The following ADAMTSL3 variants were observed in gnomAD, a reference collection of about 807,000 sequenced individuals.
ADAMTSL3 encodes ADAMTS like 3.
In ADAMTSL3, 128 loss-of-function variants were observed where a neutral mutation model predicts 201.7. That is an observed-to-expected ratio of 0.63 (90% CI 0.55 to 0.73). The LOEUF (loss-of-function observed/expected upper bound fraction) is 0.73. Among genes scored for constraint, ADAMTSL3 ranks in the 30% least tolerant of loss-of-function variants. The pLI, the probability that ADAMTSL3 is intolerant of heterozygous loss-of-function variation, is 0.00. For missense variants in ADAMTSL3, 1,990 were observed against 2,119.6 expected, an observed-to-expected ratio of 0.94 and a Z score of 1.20; for synonymous variants, 738 against 748.4, an observed-to-expected ratio of 0.99 and a Z score of 0.23.
At chr15:83,784,310 T>A (rs1266917615) in intron 4 of ADAMTSL3, among the ~76,000 whole-genome samples, 1 of 152,192 alleles carries the variant, frequency 6.6e-6, no homozygotes, top group East Asian at 1.9e-4. Context: ...TCTGCCACTC[T>A]AATGTAGTGG....
At chr15:83,768,885 A>T (rs896595721) in intron 3 of ADAMTSL3, among the ~76,000 whole-genome samples, 7 of 152,208 alleles carry the variant, frequency 4.6e-5, no homozygotes, top group Admixed American at 4.6e-4. Flanking sequence ...TTAAAAAGGC[A>T]GAAGGGCTGG....
intron 4 of ADAMTSL3, among the ~76,000 whole-genome samples, chr15:83,773,965 T>TTGCAA (rs2063029660): frequency 1.3e-5 from 2 of 152,200 alleles, no homozygotes; most frequent in Admixed American, 1.3e-4. Flanking sequence ...TTCTGAGTTC[T>TTGCAA]GCCCTTGGGT....
intron 19 of ADAMTSL3, among the ~76,000 whole-genome samples, chr15:83,965,655 C>G (rs1220007545): frequency 6.6e-6 from 1 of 152,164 alleles, no homozygotes; most frequent in Non-Finnish European, 1.5e-5. Context: ...ATATTCAGGA[C>G]TTGAACTCAG....
At chr15:84,029,669 C>G (rs2068369192) in intron 27 of ADAMTSL3, among the ~76,000 whole-genome samples, 1 of 151,994 alleles carries the variant, frequency 6.6e-6, no homozygotes, top group Non-Finnish European at 1.5e-5. Context: ...GAAATTCAAG[C>G]TGGCTGCAGA....
At chr15:83,881,359 C>T (rs565570203) in intron 9 of ADAMTSL3, among the ~76,000 whole-genome samples, 2 of 152,344 alleles carry the variant, frequency 1.3e-5, no homozygotes, top group African/African-American at 4.8e-5. Flanking sequence ...TCGCTTTCCA[C>T]TACGTGAGGC....
At chr15:83,660,019 G>T (rs775036407) in intron 2 of ADAMTSL3, among the ~76,000 whole-genome samples, 1 of 152,172 alleles carries the variant, frequency 6.6e-6, no homozygotes, top group South Asian at 2.1e-4. Flanking sequence ...ACCTAAATTT[G>T]TGGTAATTTG....
intron 6 of ADAMTSL3, among the ~76,000 whole-genome samples, chr15:83,823,684 C>T (rs747311010): frequency 2.7e-4 from 41 of 152,272 alleles, no homozygotes; most frequent in Middle Eastern, 3.4e-3. Flanking sequence ...ACCATGATTC[C>T]CTCCAGTCTG....
At chr15:83,803,736 G>C (rs1178419259) in intron 4 of ADAMTSL3, among the ~76,000 whole-genome samples, 1 of 152,146 alleles carries the variant, frequency 6.6e-6, no homozygotes, top group African/African-American at 2.4e-5. Context: ...TGTAGAGGAA[G>C]ATAGGTTATG....
At chr15:83,783,381 A>C (rs2063208021) in intron 4 of ADAMTSL3, among the ~76,000 whole-genome samples, 1 of 152,146 alleles carries the variant, frequency 6.6e-6, no homozygotes, top group South Asian at 2.1e-4. Flanking sequence ...ACAAATTCTA[A>C]AACAGTAGAT....
At chr15:83,822,693 C>T (rs1355086658) in intron 6 of ADAMTSL3, among the ~76,000 whole-genome samples, 3 of 149,820 alleles carry the variant, frequency 2.0e-5, no homozygotes, top group African/African-American at 4.9e-5. Flanking sequence ...CGGGCAGAGA[C>T]GCTCCTCACT....
chr15:83,937,416 C>T (rs2142022083), intron 17 of ADAMTSL3, among the ~76,000 whole-genome samples: 1 of 150,852 alleles, frequency 6.6e-6, no homozygotes, highest in East Asian at 1.9e-4. Context: ...GAACAGAAAA[C>T]CAAATACCAC....
intron 3 of ADAMTSL3, 109 bp from the exon 4 acceptor site, chr15:83,773,414 A>G: frequency 2.3e-6 from 3 of 1,301,148 alleles, no homozygotes; most frequent in Non-Finnish European, 3.2e-6. Flanking sequence ...CAATTAAAAA[A>G]AAAAAGGTGA....
chr15:83,955,539 A>C (rs185771217), intron 19 of ADAMTSL3, among the ~76,000 whole-genome samples: 1 of 152,102 alleles, frequency 6.6e-6, no homozygotes, highest in South Asian at 2.1e-4. Flanking sequence ...CGAAGCCAGC[A>C]TATCTCAAAG....
chr15:83,917,109 A>G (rs2066048241), intron 16 of ADAMTSL3, among the ~76,000 whole-genome samples: 2 of 152,246 alleles, frequency 1.3e-5, no homozygotes, highest in Middle Eastern at 3.2e-3. Context: ...TGACAACCAC[A>G]ATAAAATGAA....
chr15:83,903,077 T>TA (rs1378672739), intron 15 of ADAMTSL3, among the ~76,000 whole-genome samples: 1 of 151,708 alleles, frequency 6.6e-6, no homozygotes, highest in Admixed American at 6.6e-5. Context: ...AAGAAGTCTT[T>TA]AAAAAATAAT....
intron 22 of ADAMTSL3, 49 bp from the exon 23 acceptor site, chr15:83,991,037 A>G (rs2067572716): frequency 1.2e-6 from 2 of 1,610,608 alleles, no homozygotes; most frequent in African/African-American, 2.7e-5. Context: ...GTTTTACCAA[A>G]GAGCAAAAGC....
intron 2 of ADAMTSL3, among the ~76,000 whole-genome samples, chr15:83,687,592 G>A (rs1040203329): frequency 2.6e-5 from 4 of 152,052 alleles, no homozygotes; most frequent in African/African-American, 9.7e-5. Context: ...CTTGCAAGGA[G>A]ATAACCAATG....
chr15:83,984,974 G>A lies in ADAMTSL3; in HGVS notation c.3716+1630G>A, dbSNP rs1051810570. Among the ~76,000 whole-genome samples the A allele has an allele frequency of 2.0e-5, 3 of 152,272 alleles. No individual in the cohort carries two copies. The East Asian group carries it at 5.8e-4, about 29-fold the overall frequency. On this transcript the variant is annotated intron_variant, in intron 21 of 29. Coordinates refer to ENST00000286744, the MANE Select transcript of ADAMTSL3 (RefSeq NM_207517.3). ...TAATTCTACACTAAAACTAGACAAA[G>A]GGTCATTTCTCAAAGGTTAGTTGAA...
intron 2 of ADAMTSL3, among the ~76,000 whole-genome samples, chr15:83,672,248 T>G (rs1315500491): frequency 6.6e-6 from 1 of 152,180 alleles, no homozygotes; most frequent in Non-Finnish European, 1.5e-5. Flanking sequence ...GTCTATAGTT[T>G]GTGAAAAGAG....
Sources: gnomAD v4.1 joint callset for allele counts (sites outside exome capture counted in the v4.1 genomes callset) on GRCh38, gnomAD v4.1.1 for gene constraint, MANE v1.5 for transcripts, NCBI Gene and HGNC (gene_info 2026-07-23, HGNC 2026-07-21) for gene names.